GCNT1: variants seen among roughly 807,000 people sequenced by gnomAD.
The protein encoded by GCNT1 is glucosaminyl (N-acetyl) transferase 1.
In GCNT1, 16 loss-of-function variants were observed where a neutral mutation model predicts 26.2. The ratio of observed to expected loss-of-function variants is 0.61; its 90% CI spans 0.41 to 0.93. The LOEUF (loss-of-function observed/expected upper bound fraction) is 0.93, where lower values mean the gene tolerates loss of function less well. GCNT1 is among the 40% of genes least tolerant of loss of function. The pLI is 0.00. For missense variants in GCNT1, 477 were observed against 526.7 expected (o/e 0.91, Z 0.92); for synonymous variants, 183 against 190.8 (o/e 0.96, Z 0.34).
chr9:76,404,018 T>G, the GCNT1 span, among the ~76,000 whole-genome samples: 1 of 152,236 alleles, frequency 6.6e-6, no homozygotes, highest in South Asian at 2.1e-4. Context: ...GAGATGAACT[T>G]TGACCTCTGT....
At chr9:76,418,740 G>C (rs71509874), upstream of GCNT1, among the ~76,000 whole-genome samples, 5,221 of 152,246 alleles carry the variant, frequency 0.034, 120 homozygotes, top group Non-Finnish European at 0.053. Context: ...GATTTTTAGG[G>C]GAAATGAATG....
upstream of GCNT1, among the ~76,000 whole-genome samples, chr9:76,438,930 G>GT (rs548466323): frequency 8.5e-5 from 13 of 152,314 alleles, 1 homozygote; most frequent in South Asian, 2.7e-3. Flanking sequence ...AGTAAGCCGT[G>GT]TATGTGTGGG....
chr9:76,442,726 C>T (rs1469257456), intron 1 of GCNT1, among the ~76,000 whole-genome samples: 6 of 151,954 alleles, frequency 3.9e-5, no homozygotes, highest in African/African-American at 1.2e-4. Flanking sequence ...TCTGATTATC[C>T]GATTATCAGA....
chr9:76,403,947 G>C, the GCNT1 span, among the ~76,000 whole-genome samples: 1 of 152,176 alleles, frequency 6.6e-6, no homozygotes, highest in African/African-American at 2.4e-5. Context: ...GAAGAAGAAG[G>C]AAAACTTTCT....
At chr9:76,455,225 T>C (rs57326695), upstream of GCNT1, among the ~76,000 whole-genome samples, 17,528 of 152,142 alleles carry the variant, frequency 0.12, 1,117 homozygotes, top group Middle Eastern at 0.23. Context: ...ATACAGGACA[T>C]TAAGGGGCTT....
At position 76,502,700 on chromosome 9, in the gene GCNT1, C is replaced by T. The variant is rs765258031; in HGVS notation, c.319C>T (p.Arg107Cys). The stretch of plus-strand genomic sequence containing the variant: ...TGACTGTTCTTCTTTCATCAAGAGA[C>T]GCAAATATATTGTAGAACCCCTTAG... ...TSDCSSFIKR[R>C]KYIVEPLSKE... The change falls in exon 4 of 4, where the codon CGC becomes TGC. Residue 107 changes from arginine (R) to cysteine (C), a missense_variant. Physicochemically the swap from Arg to Cys is radical, Grantham distance 180. Transcript: ENST00000376730. 1.9e-5 allele frequency: 30 copies of T among 1,613,830 alleles called. No individual in the cohort carries two copies. The highest frequency in any genetic ancestry group is 5.5e-5 in the South Asian group (5 of 91,070).
rs1247962666 is a variant in GCNT1, at chr9:76,502,562, A to T, written c.181A>T (p.Lys61Ter). ...TCCTAGTAGTGATATTAATTGCACC[A>T]AAGTTTTACAGGGTGATGTAAATGA... ...ENPSSDINCT[K>*]VLQGDVNEIQ... Residue 61 changes from lysine to a stop codon, truncating the protein, a stop_gained, in exon 4 of 4, where the codon AAA (lysine) becomes TAA (stop). Transcript: ENST00000376730. LOFTEE classifies it high-confidence loss of function. 6.2e-7 allele frequency: 1 copy of T among 1,613,974 alleles called. No individual in the cohort carries two copies. Among genetic ancestry groups the T allele is most frequent in the Non-Finnish European group, 8.5e-7 (1 of 1,179,958 alleles).
At chr9:76,486,474 A>C (rs1370032688) in intron 2 of GCNT1, among the ~76,000 whole-genome samples, 1 of 152,182 alleles carries the variant, frequency 6.6e-6, no homozygotes, top group Non-Finnish European at 1.5e-5. Context: ...TTTGGAAAGC[A>C]TTGCTCTATT....
Position 76,451,966 on chromosome 9 carries a change from TGTTG to T in GCNT1, c.-290+9652_-290+9655del, listed in dbSNP as rs796348114. 2.6e-3 allele frequency among the ~76,000 whole-genome samples: 234 copies of T among 90,080 alleles called. 1 individual carries two copies. Among genetic ancestry groups the T allele is most frequent in the Non-Finnish European group, 3.2e-3 (147 of 45,862 alleles). The allele number at this position is 90,080 out of a possible 152,430, so 59.1% of individuals were successfully genotyped here. On this transcript the variant is annotated intron_variant, in intron 1 of 2. Coordinates refer to the GCNT1 transcript ENST00000442371. ...TTTCTTTCTTTTTTTTTTTTTTTTT[TGTTG>T]TTGTTGTTGTTGTTTTGAGATGGAG...
the GCNT1 span, among the ~76,000 whole-genome samples, chr9:76,403,475 A>G: frequency 6.6e-6 from 1 of 152,254 alleles, no homozygotes; most frequent in Non-Finnish European, 1.5e-5. Context: ...CATCCACAAG[A>G]TGGCATATTA....
intron 2 of GCNT1, among the ~76,000 whole-genome samples, chr9:76,462,790 A>G (rs865837170): frequency 1.3e-5 from 2 of 152,152 alleles, no homozygotes; most frequent in Non-Finnish European, 2.9e-5. Flanking sequence ...TGAATGGCCA[A>G]TGTGTCCTGC....
chr9:76,429,268 A>G (rs930034243), intron 1 of GCNT1, among the ~76,000 whole-genome samples: 6 of 152,134 alleles, frequency 3.9e-5, no homozygotes, highest in Non-Finnish European at 7.3e-5. Flanking sequence ...TGCCATGAGC[A>G]TTCTTGTACC....
chr9:76,471,199 T>C (rs540446380), intron 2 of GCNT1, among the ~76,000 whole-genome samples: 2 of 152,318 alleles, frequency 1.3e-5, no homozygotes, highest in South Asian at 4.1e-4. Flanking sequence ...CTGATTTTTG[T>C]ATTTTTAGTA....
At chr9:76,458,979 T>G (rs1366371408), upstream of GCNT1, among the ~76,000 whole-genome samples, 1 of 152,136 alleles carries the variant, frequency 6.6e-6, no homozygotes, top group Non-Finnish European at 1.5e-5. Flanking sequence ...CAGAGCACAG[T>G]GAGGAAGAGG....
At chr9:76,421,561 A>G (rs1238162034) in intron 1 of GCNT1, among the ~76,000 whole-genome samples, 1 of 137,028 alleles carries the variant, frequency 7.3e-6, no homozygotes, top group African/African-American at 2.7e-5. Context: ...AGATGGAGCC[A>G]TTGCCCTCCA....
chr9:76,410,002 T>C, the GCNT1 span, among the ~76,000 whole-genome samples: 1 of 152,226 alleles, frequency 6.6e-6, no homozygotes, highest in African/African-American at 2.4e-5. Context: ...TTCTTGAGAT[T>C]TCTTCTTTGA....
intron 1 of GCNT1, among the ~76,000 whole-genome samples, chr9:76,443,035 G>A (rs925417610): frequency 4.6e-5 from 7 of 152,094 alleles, no homozygotes; most frequent in Non-Finnish European, 1.0e-4. Flanking sequence ...GGTAGCAATG[G>A]AGATGGGTAA....
chr9:76,421,894 G>T (rs10869774), intron 1 of GCNT1, among the ~76,000 whole-genome samples: 1 of 151,374 alleles, frequency 6.6e-6, no homozygotes, highest in Non-Finnish European at 1.5e-5. Context: ...GGGTTTTACC[G>T]TTATGTTAGT....
chr9:76,493,880 G>A (rs1195701376), intron 2 of GCNT1, among the ~76,000 whole-genome samples: 4 of 152,058 alleles, frequency 2.6e-5, no homozygotes, highest in African/African-American at 9.7e-5. Flanking sequence ...TCCCTCAGGT[G>A]GACATTTTTC....
Sources: allele counts gnomAD v4.1 joint callset (sites outside exome capture counted in the v4.1 genomes callset), GRCh38; gene constraint gnomAD v4.1.1; transcripts MANE v1.5; gene names NCBI Gene and HGNC (gene_info 2026-07-23, HGNC 2026-07-21).